SMURF1: variants seen among roughly 807,000 people sequenced by gnomAD.
SMURF1 encodes E3 ubiquitin-protein ligase SMURF1.
SMURF1 carries 44 observed loss-of-function variants against 98.0 expected under a neutral mutation model. The observed-to-expected ratio is 0.45, with a 90% CI of 0.35 to 0.58. SMURF1 has a LOEUF of 0.58. Among genes scored for constraint, SMURF1 ranks in the 20% least tolerant of loss-of-function variants. The probability of loss-of-function intolerance (pLI) is 0.00; values close to 1 mark genes in which losing one functional copy is unlikely to be tolerated. For synonymous variants in SMURF1, 396 were observed against 374.9 expected (o/e 1.06, Z -0.65); for missense variants, 687 against 938.4 (o/e 0.73, Z 3.50).
Position 99,057,518 on chromosome 7 carries a change from G to A in SMURF1, c.237C>T (p.Ser79=), listed in dbSNP as rs1795906240. The A allele has an allele frequency of 5.1e-6, 8 of 1,561,320 alleles. No individual in the cohort carries two copies. The highest frequency in any genetic ancestry group is 6.9e-6 in the Non-Finnish European group (8 of 1,161,408). The part of the protein sequence containing the change: ...YVGKTDSITI[S]VWNHKKIHKK... Reference sequence around the variant, plus strand: ...TGTGAATTTTCTTATGGTTCCACACGCTAATGGTTATCGAATCCGTTTTCC... The same window carrying A: ...TGTGAATTTTCTTATGGTTCCACACACTAATGGTTATCGAATCCGTTTTCC... The change falls in exon 4 of 18, where the codon AGC becomes AGT. Residue 79 remains serine (S), a synonymous_variant. Coordinates refer to ENST00000361368, the MANE Select transcript of SMURF1 (RefSeq NM_181349.3).
chr7:99,134,590 T>C (rs752786841), intron 1 of SMURF1, among the ~76,000 whole-genome samples: 8 of 152,180 alleles, frequency 5.3e-5, no homozygotes, highest in Admixed American at 1.3e-4. Flanking sequence ...CAGATGCCAA[T>C]ATTGCTTTTT....
intron 1 of SMURF1, among the ~76,000 whole-genome samples, chr7:99,075,275 A>C (rs1039496745): frequency 7.9e-5 from 12 of 151,994 alleles, no homozygotes; most frequent in Non-Finnish European, 1.5e-4. Context: ...ATGCGCCACC[A>C]AGCCTGGCTC....
intron 1 of SMURF1, among the ~76,000 whole-genome samples, chr7:99,075,149 C>T (rs1480827217): frequency 1.3e-5 from 2 of 152,154 alleles, no homozygotes; most frequent in African/African-American, 4.8e-5. Context: ...ACAGGGTCTA[C>T]ACTCTGTCAC....
chr7:99,136,013 A>C (rs1797984130), intron 1 of SMURF1, among the ~76,000 whole-genome samples: 1 of 152,244 alleles, frequency 6.6e-6, no homozygotes, highest in African/African-American at 2.4e-5. Context: ...TCAATTAAAA[A>C]TAAATTTTTA....
intron 14 of SMURF1, 103 bp from the exon 15 acceptor site, chr7:99,037,290 T>C (rs1193186858): frequency 6.9e-7 from 1 of 1,449,194 alleles, no homozygotes; most frequent in African/African-American, 1.4e-5. Flanking sequence ...CAGGCTGGAG[T>C]GCAATGGCTC....
At position 99,060,738 on chromosome 7, in the gene SMURF1, G is replaced by A. The variant is rs1300147720; in HGVS notation, c.95-31C>T. 6.3e-6 allele frequency: 9 copies of A among 1,438,996 alleles called. No homozygotes were observed. The African/African-American group carries it at 8.4e-5, about 13-fold the overall frequency. The allele number at this position is 1,438,996 out of a possible 1,614,324, so 89.1% of individuals were successfully genotyped here. On this transcript the variant is annotated intron_variant, in intron 2 of 17. Transcript: ENST00000361368. ...GGAGAGAGGAGACCCACACCTAGATGAGACCTCACATCCATCCATGTGACA... is the reference window on the plus strand; with the variant it reads ...GGAGAGAGGAGACCCACACCTAGATAAGACCTCACATCCATCCATGTGACA...
At chr7:99,142,100 T>TGGTC (rs1798131513) in intron 1 of SMURF1, among the ~76,000 whole-genome samples, 1 of 152,186 alleles carries the variant, frequency 6.6e-6, no homozygotes, top group Non-Finnish European at 1.5e-5. Context: ...GTCCAGAACC[T>TGGTC]CTGGAGCCCG....
chr7:99,104,478 G>A (rs1182488038), intron 1 of SMURF1, among the ~76,000 whole-genome samples: 1 of 152,068 alleles, frequency 6.6e-6, no homozygotes, highest in Admixed American at 6.5e-5. Context: ...ACTAACCCAC[G>A]TGATCTTGGG....
chr7:99,041,308 A>T (rs952633136), intron 12 of SMURF1, among the ~76,000 whole-genome samples: 1 of 152,144 alleles, frequency 6.6e-6, no homozygotes. Flanking sequence ...AGGCTGAGGC[A>T]GGAGAATCGC....
chr7:99,114,714 A>G (rs748139982), intron 1 of SMURF1, among the ~76,000 whole-genome samples: 4 of 152,202 alleles, frequency 2.6e-5, no homozygotes, highest in Non-Finnish European at 4.4e-5. Flanking sequence ...TATTCTTCTC[A>G]AGCACATGTG....
At chr7:99,032,541 C>T (rs936870173) in intron 17 of SMURF1, among the ~76,000 whole-genome samples, 24 of 152,094 alleles carry the variant, frequency 1.6e-4, no homozygotes, top group Non-Finnish European at 3.5e-4. Context: ...TGGTGGCGTG[C>T]GCCTGTAGTC....
At position 99,035,659 on chromosome 7, in the gene SMURF1, GC is replaced by G; in HGVS notation, c.1866del (p.Leu623Ter). ...IDLNDWKSNT[R>X]LKHCVADSNI... ...TTGCTGTCGGCCACACAGTGCTTCA[GC>G]CGCGTGTTCGACTTCCAGTCGTTCA... On this transcript the variant is annotated frameshift_variant, in exon 16 of 18. Transcript: ENST00000361368. LOFTEE classifies it high-confidence loss of function. 1 of 1,614,230 alleles carries G rather than the reference GC, an allele frequency of 6.2e-7. No individual in the cohort carries two copies. Among genetic ancestry groups the G allele is most frequent in the Non-Finnish European group, 8.5e-7 (1 of 1,180,042 alleles).
intron 1 of SMURF1, among the ~76,000 whole-genome samples, chr7:99,138,585 A>G (rs1242968118): frequency 6.6e-6 from 1 of 152,216 alleles, no homozygotes; most frequent in African/African-American, 2.4e-5. Flanking sequence ...GCAAGACTAG[A>G]GGTTTTAAAC....
At chr7:99,129,286 TA>T (rs1449196473) in intron 1 of SMURF1, among the ~76,000 whole-genome samples, 5 of 152,376 alleles carry the variant, frequency 3.3e-5, no homozygotes, top group African/African-American at 1.2e-4. Context: ...ACCATGTTAC[TA>T]TTAGCTAACA....
At chr7:99,055,462 T>C (rs1795855037) in intron 5 of SMURF1, among the ~76,000 whole-genome samples, 1 of 151,262 alleles carries the variant, frequency 6.6e-6, no homozygotes, top group African/African-American at 2.4e-5. Flanking sequence ...AGTGAGACTC[T>C]GTCTCCAAAA....
intron 1 of SMURF1, among the ~76,000 whole-genome samples, chr7:99,075,217 C>T (rs183559529): frequency 6.6e-6 from 1 of 152,276 alleles, no homozygotes; most frequent in Admixed American, 6.5e-5. Context: ...CTCCCAGGTT[C>T]AAGCGATCCT....
At chr7:99,117,788 A>T (rs1797493494) in intron 1 of SMURF1, among the ~76,000 whole-genome samples, 1 of 151,994 alleles carries the variant, frequency 6.6e-6, no homozygotes, top group Non-Finnish European at 1.5e-5. Context: ...TCTAATATCA[A>T]GAATATATAT....
intron 1 of SMURF1, among the ~76,000 whole-genome samples, chr7:99,107,056 C>T (rs1178648914): frequency 6.6e-6 from 1 of 152,148 alleles, no homozygotes; most frequent in East Asian, 1.9e-4. Flanking sequence ...TCATGTGTCA[C>T]CAGAAGGAAC....
At chr7:99,032,357 A>G (rs531533064) in intron 17 of SMURF1, among the ~76,000 whole-genome samples, 41 of 152,206 alleles carry the variant, frequency 2.7e-4, no homozygotes, top group Admixed American at 2.7e-3. Context: ...AGTCCTACAA[A>G]TCGGAAAACA....
Sources: allele counts gnomAD v4.1 joint callset (sites outside exome capture counted in the v4.1 genomes callset), GRCh38; gene constraint gnomAD v4.1.1; transcripts MANE v1.5; gene names NCBI Gene and HGNC (gene_info 2026-07-23, HGNC 2026-07-21).